The following SULF1 variants were observed in gnomAD, a reference collection of about 807,000 sequenced individuals.
SULF1 encodes the protein extracellular sulfatase Sulf-1.
Under a neutral mutation model 110.5 loss-of-function variants are expected in SULF1, and 46 were observed. The ratio of observed to expected loss-of-function variants is 0.42; its 90% CI spans 0.33 to 0.53. The LOEUF is 0.53. Among genes scored for constraint, SULF1 ranks in the 20% least tolerant of loss-of-function variants. The pLI, the probability that SULF1 is intolerant of heterozygous loss-of-function variation, is 0.12. For missense variants in SULF1, 941 were observed against 1,094.2 expected, an observed-to-expected ratio of 0.86 and a Z score of 1.98; for synonymous variants, 371 against 387.1, an observed-to-expected ratio of 0.96 and a Z score of 0.49.
intron 3 of SULF1, among the ~76,000 whole-genome samples, chr8:69,525,260 T>C (rs1812578696): frequency 6.6e-6 from 1 of 152,174 alleles, no homozygotes; most frequent in East Asian, 1.9e-4. Flanking sequence ...CAATCTGAGC[T>C]CACAGATGCC....
chr8:69,502,746 G>A (rs1470382256), intron 3 of SULF1, among the ~76,000 whole-genome samples: 8 of 143,480 alleles, frequency 5.6e-5, no homozygotes, highest in African/African-American at 1.8e-4. Context: ...GGAGTGTAGT[G>A]GTGTGATCTT....
At chr8:69,602,780 A>C (rs1217376993) in intron 10 of SULF1, among the ~76,000 whole-genome samples, 4 of 152,238 alleles carry the variant, frequency 2.6e-5, no homozygotes, top group Non-Finnish European at 2.9e-5. Flanking sequence ...TTTATGTTTT[A>C]AGGACTAGAT....
chr8:69,558,133 A>G (rs1004609808), intron 3 of SULF1, among the ~76,000 whole-genome samples: 8 of 152,192 alleles, frequency 5.3e-5, no homozygotes, highest in African/African-American at 1.7e-4. Flanking sequence ...ACTCTAAAGA[A>G]AAGAAGTAAT....
chr8:69,549,192 C>A (rs2150688275), intron 3 of SULF1, among the ~76,000 whole-genome samples: 1 of 152,340 alleles, frequency 6.6e-6, no homozygotes, highest in East Asian at 1.9e-4. Context: ...CAGCTTGGAG[C>A]AGCATGGAGC....
chr8:69,527,912 G>A (rs1198293656), intron 3 of SULF1, among the ~76,000 whole-genome samples: 1 of 152,082 alleles, frequency 6.6e-6, no homozygotes, highest in Non-Finnish European at 1.5e-5. Flanking sequence ...ATGAGAAGGA[G>A]GGAATCTGTG....
Position 69,589,154 on chromosome 8 carries a change from C to T in SULF1, c.734+13C>T, listed in dbSNP as rs751524995. 1 of 1,609,372 alleles carries T rather than the reference C, an allele frequency of 6.2e-7. No individual in the cohort carries two copies. The highest frequency in any genetic ancestry group is 1.1e-5 in the South Asian group (1 of 90,822). On this transcript the variant is annotated intron_variant, in intron 8 of 22. Coordinates refer to ENST00000402687, the MANE Select transcript of SULF1 (RefSeq NM_001128205.2). ...CTTCCCAACACATGTAAGTAACAAA[C>T]TCAACTCTGCGACCTGCCGAACATG...
intron 3 of SULF1, among the ~76,000 whole-genome samples, chr8:69,530,202 T>C (rs1812988683): frequency 2.0e-5 from 3 of 152,134 alleles, no homozygotes; most frequent in Admixed American, 6.5e-5. Flanking sequence ...ACTGCTTGCA[T>C]CAAATGTAGG....
chr8:69,521,549 A>C (rs1812299309), intron 3 of SULF1, among the ~76,000 whole-genome samples: 1 of 152,168 alleles, frequency 6.6e-6, no homozygotes, highest in African/African-American at 2.4e-5. Flanking sequence ...GAACAGCTAG[A>C]GCAAAAGCCC....
chr8:69,657,429 G>T (rs1341947926), intron 22 of SULF1, among the ~76,000 whole-genome samples: 1 of 152,198 alleles, frequency 6.6e-6, no homozygotes, highest in Admixed American at 6.5e-5. Context: ...CATCCTCATT[G>T]TCAGTGCTGT....
At chr8:69,546,167 G>A (rs1273613127) in intron 3 of SULF1, among the ~76,000 whole-genome samples, 1 of 152,204 alleles carries the variant, frequency 6.6e-6, no homozygotes. Context: ...AATGAATGAT[G>A]AGGTAGGCAA....
In SULF1 at chr8:69,621,279, A is replaced by C. The variant is rs201562328; in HGVS notation, c.1594+28A>C. 5.1e-6 allele frequency: 8 copies of C among 1,571,576 alleles called. No individual in the cohort carries two copies. In the African/African-American group the frequency reaches 6.8e-5, roughly 13 times the overall value. On this transcript the variant is annotated intron_variant, in intron 14 of 22. Transcript: ENST00000402687. ...AAGCCACGCTTTTGTGACCATCTCA[A>C]TGGTGGCCTAGGCCTGTGGGAATAA...
At chr8:69,617,717 C>A (rs1202185653) in intron 13 of SULF1, among the ~76,000 whole-genome samples, 1 of 151,980 alleles carries the variant, frequency 6.6e-6, no homozygotes, top group East Asian at 1.9e-4. Context: ...AGGCCGCATG[C>A]AGTTTTCAGC....
rs1810212262 is a variant in SULF1 at position 69,627,762 on chromosome 8, TG to T, written c.1948-9del. The T allele has an allele frequency of 1.3e-6, 2 of 1,581,186 alleles. No individual in the cohort carries two copies. The highest frequency in any genetic ancestry group is 1.7e-6 in the Non-Finnish European group (2 of 1,156,324). On this transcript the variant is annotated splice_polypyrimidine_tract_variant and intron_variant, in intron 16 of 22. Coordinates refer to ENST00000402687, the MANE Select transcript of SULF1 (RefSeq NM_001128205.2). ...CTTAATACGTAAGTGCTTGAAAACATGTTTTCCAGATTGAAGCTCTGCAAGA... is the reference window on the plus strand; with the variant it reads ...CTTAATACGTAAGTGCTTGAAAACATTTTTCCAGATTGAAGCTCTGCAAGA...
At chr8:69,468,293 T>G (rs2150526773) in intron 1 of SULF1, among the ~76,000 whole-genome samples, 1 of 152,330 alleles carries the variant, frequency 6.6e-6, no homozygotes, top group South Asian at 2.1e-4. Context: ...AATAACAGGA[T>G]TTATGGCTAG....
At position 69,658,999 on chromosome 8, in the gene SULF1, A is replaced by G. The variant is rs1812932835; in HGVS notation, c.*464A>G. On this transcript the variant is annotated 3_prime_UTR_variant, in exon 23 of 23. Transcript: ENST00000402687. ...AAAATGGACGGGGCATGAAGAGACT[A>G]ATCATCTGGAAACCGATTTCAGTGG... 2 of 457,362 alleles carry G rather than the reference A, an allele frequency of 4.4e-6. No individual in the cohort carries two copies. Among genetic ancestry groups the G allele is most frequent in the East Asian group, 6.9e-5 (1 of 14,432 alleles). The allele number at this position is 457,362 out of a possible 1,614,324, so 28.3% of individuals were successfully genotyped here.
chr8:69,576,115 C>T lies in SULF1; in HGVS notation c.318C>T (p.Tyr106=). The change falls in exon 6 of 23, where the codon TAC becomes TAT. Residue 106 remains tyrosine, a synonymous_variant. Transcript: ENST00000402687. The part of the protein sequence containing the change: ...TGKYVHNHNV[Y]TNNENCSSPS... ...AGTATGTGCACAATCACAATGTCTA[C>T]ACCAACAACGAGAACTGCTCTTCCC... 6.2e-7 allele frequency: 1 copy of T among 1,614,238 alleles called. No homozygotes were observed. Among genetic ancestry groups the T allele is most frequent in the Non-Finnish European group, 8.5e-7 (1 of 1,180,052 alleles).
chr8:69,493,468 C>T, intron 1 of SULF1, among the ~76,000 whole-genome samples: 1 of 151,116 alleles, frequency 6.6e-6, no homozygotes, highest in East Asian at 2.0e-4. Flanking sequence ...CACACACACA[C>T]ACACACACAC....
chr8:69,550,616 A>G (rs955917040), intron 3 of SULF1, among the ~76,000 whole-genome samples: 10 of 152,092 alleles, frequency 6.6e-5, no homozygotes, highest in African/African-American at 2.4e-4. Context: ...AGAAGACCAG[A>G]CATGAACCCT....
chr8:69,606,951 T>C (rs985449251), intron 13 of SULF1, among the ~76,000 whole-genome samples: 2 of 152,250 alleles, frequency 1.3e-5, no homozygotes, highest in Non-Finnish European at 2.9e-5. Flanking sequence ...TTTCTTTCTA[T>C]AGAATTTCTT....
Sources: gnomAD v4.1 joint callset for allele counts (sites outside exome capture counted in the v4.1 genomes callset) on GRCh38, gnomAD v4.1.1 for gene constraint, MANE v1.5 for transcripts, NCBI Gene and HGNC (gene_info 2026-07-23, HGNC 2026-07-21) for gene names.